SGCZ: variants seen among roughly 807,000 people sequenced by gnomAD.
SGCZ encodes sarcoglycan zeta.
A neutral mutation model predicts 41.3 loss-of-function variants in SGCZ; 40 were observed. The ratio of observed to expected loss-of-function variants is 0.97; its 90% CI spans 0.75 to 1.26. SGCZ has a LOEUF of 1.26. Among genes scored for constraint, SGCZ ranks in the 50% most tolerant of loss-of-function variants. SGCZ has a pLI of 0.00. For synonymous variants in SGCZ, 206 were observed against 137.5 expected (o/e 1.50, Z -3.49); for missense variants, 552 against 369.8 (o/e 1.49, Z -4.04).
At chr8:14,599,871 A>C (rs1328007608) in intron 1 of SGCZ, among the ~76,000 whole-genome samples, 3 of 151,828 alleles carry the variant, frequency 2.0e-5, no homozygotes, top group African/African-American at 7.3e-5. Flanking sequence ...TTGACTCCAC[A>C]CTCTTTACAT....
At chr8:15,161,058 C>T (rs1394200203) in intron 1 of SGCZ, among the ~76,000 whole-genome samples, 2 of 152,074 alleles carry the variant, frequency 1.3e-5, no homozygotes, top group African/African-American at 4.8e-5. Context: ...TCTTTCTCTG[C>T]AAGATCTGAA....
At chr8:14,847,551 A>G (rs971955095) in intron 1 of SGCZ, among the ~76,000 whole-genome samples, 2 of 151,870 alleles carry the variant, frequency 1.3e-5, no homozygotes, top group Non-Finnish European at 2.9e-5. Flanking sequence ...TAGATACAGA[A>G]AATGTGCTTA....
intron 2 of SGCZ, among the ~76,000 whole-genome samples, chr8:14,428,985 A>T (rs896922115): frequency 2.0e-5 from 3 of 152,172 alleles, no homozygotes; most frequent in African/African-American, 7.2e-5. Flanking sequence ...ATTACGGAAG[A>T]GGTATTTTAC....
At chr8:14,814,856 C>A (rs1015790474) in intron 1 of SGCZ, among the ~76,000 whole-genome samples, 2 of 151,944 alleles carry the variant, frequency 1.3e-5, no homozygotes, top group Admixed American at 6.6e-5. Flanking sequence ...GCAATGTGTC[C>A]GTATAACAGA....
intron 1 of SGCZ, among the ~76,000 whole-genome samples, chr8:14,886,746 A>G (rs1585350019): frequency 1.3e-5 from 2 of 152,280 alleles, no homozygotes; most frequent in South Asian, 4.1e-4. Context: ...ATGAGACGGG[A>G]AAATCACTTT....
chr8:14,608,678 A>G (rs1052483574), intron 1 of SGCZ, among the ~76,000 whole-genome samples: 2 of 148,400 alleles, frequency 1.3e-5, no homozygotes, highest in East Asian at 4.4e-4. Context: ...TGTTTGGGTC[A>G]TGGGGGTGGA....
Position 14,893,595 on chromosome 8 carries a change from A to G in SGCZ, c.40-338669T>C, listed in dbSNP as rs373017247. ...ACCAGCTTATTATGCTCTGATCGCCATAATTTTAGGAATTTCTCATAAAGC... is the reference window on the plus strand; with the variant it reads ...ACCAGCTTATTATGCTCTGATCGCCGTAATTTTAGGAATTTCTCATAAAGC... On this transcript the variant is annotated intron_variant, in intron 1 of 7. Transcript: ENST00000382080. Among the ~76,000 whole-genome samples the G allele has an allele frequency of 4.1e-4, 63 of 152,326 alleles. No homozygotes were observed. In the East Asian group the frequency reaches 7.0e-3, roughly 17 times the overall value.
At chr8:15,026,607 C>T (rs1384003561) in intron 1 of SGCZ, among the ~76,000 whole-genome samples, 1 of 152,060 alleles carries the variant, frequency 6.6e-6, no homozygotes, top group Admixed American at 6.6e-5. Flanking sequence ...ACAGATGTGC[C>T]ATTATAAAAG....
chr8:14,773,531 A>G (rs925232600), intron 1 of SGCZ, among the ~76,000 whole-genome samples: 25 of 152,216 alleles, frequency 1.6e-4, no homozygotes, highest in Non-Finnish European at 3.4e-4. Flanking sequence ...ACTTTCTCCC[A>G]TTCTGGGGAC....
chr8:14,210,325 C>T (rs2117093480), intron 4 of SGCZ, among the ~76,000 whole-genome samples: 1 of 152,222 alleles, frequency 6.6e-6, no homozygotes, highest in East Asian at 1.9e-4. Context: ...TCCCAAAGTG[C>T]TGGGATTACA....
At chr8:15,092,303 A>G (rs1300744284) in intron 1 of SGCZ, among the ~76,000 whole-genome samples, 1 of 152,208 alleles carries the variant, frequency 6.6e-6, no homozygotes, top group Non-Finnish European at 1.5e-5. Context: ...AATCAGTACT[A>G]CAGTATAATC....
intron 3 of SGCZ, among the ~76,000 whole-genome samples, chr8:14,278,586 A>G (rs1219414932): frequency 1.3e-5 from 2 of 152,148 alleles, no homozygotes; most frequent in Non-Finnish European, 2.9e-5. Context: ...AAGATAAAAT[A>G]TTGTGAAATA....
chr8:14,455,915 T>C (rs1800729823), intron 2 of SGCZ, among the ~76,000 whole-genome samples: 1 of 152,228 alleles, frequency 6.6e-6, no homozygotes. Context: ...TGGTTCAATT[T>C]ACATGAAATG....
At chr8:14,264,409 C>A (rs1320608756) in intron 3 of SGCZ, among the ~76,000 whole-genome samples, 1 of 152,140 alleles carries the variant, frequency 6.6e-6, no homozygotes, top group Non-Finnish European at 1.5e-5. Flanking sequence ...GCATCTGGAT[C>A]TTCCTCAGCC....
intron 1 of SGCZ, among the ~76,000 whole-genome samples, chr8:14,575,960 A>G (rs1462468899): frequency 6.6e-6 from 1 of 151,642 alleles, no homozygotes; most frequent in African/African-American, 2.4e-5. Flanking sequence ...GAGAGAAAGA[A>G]TTGAATTACA....
intron 1 of SGCZ, among the ~76,000 whole-genome samples, chr8:15,061,497 G>A (rs541988481): frequency 1.3e-5 from 2 of 149,392 alleles, no homozygotes; most frequent in South Asian, 2.1e-4. Flanking sequence ...AAACCTGCAC[G>A]TTCTGCACAT....
At chr8:15,032,646 A>G (rs764284186) in intron 1 of SGCZ, among the ~76,000 whole-genome samples, 45 of 152,100 alleles carry the variant, frequency 3.0e-4, no homozygotes, top group Non-Finnish European at 5.7e-4. Context: ...TGCTGCCCAC[A>G]GGGGCCTTGG....
At chr8:14,525,338 G>C (rs1802915107) in intron 2 of SGCZ, among the ~76,000 whole-genome samples, 1 of 152,010 alleles carries the variant, frequency 6.6e-6, no homozygotes, top group African/African-American at 2.4e-5. Flanking sequence ...TGTGTTCCTG[G>C]ACTAAAAATA....
chr8:14,100,926 TAACAC>T, intron 7 of SGCZ, among the ~76,000 whole-genome samples: 1 of 151,774 alleles, frequency 6.6e-6, no homozygotes, highest in Non-Finnish European at 1.5e-5. Flanking sequence ...AAACGATAAA[TAACAC>T]AAGAAGAAAA....
Sources: allele counts gnomAD v4.1 joint callset (sites outside exome capture counted in the v4.1 genomes callset), GRCh38; gene constraint gnomAD v4.1.1; transcripts MANE v1.5; gene names NCBI Gene and HGNC (gene_info 2026-07-23, HGNC 2026-07-21).